UBA6: variants seen among roughly 807,000 people sequenced by gnomAD.
UBA6 encodes the protein ubiquitin like modifier activating enzyme 6.
A neutral mutation model predicts 148.3 loss-of-function variants in UBA6; 87 were observed. That is an observed-to-expected ratio of 0.59 (90% CI 0.49 to 0.70). UBA6 has a LOEUF of 0.70. Among genes scored for constraint, UBA6 ranks in the 30% least tolerant of loss-of-function variants. UBA6 has a pLI of 0.00. For missense variants in UBA6, 1,186 were observed against 1,241.2 expected, an observed-to-expected ratio of 0.96 and a Z score of 0.67; for synonymous variants, 376 against 401.0, an observed-to-expected ratio of 0.94 and a Z score of 0.75.
rs1730310433 is a variant in UBA6, at chr4:67,677,498, A to T, written c.465+113T>A. ...ATTCTAATATGTCTTCTACCTTGAA[A>T]TTTTTTTGTTCTGTTTCTCAATACA... On this transcript the variant is annotated intron_variant, in intron 6 of 32. Transcript: ENST00000322244. 7 of 497,746 alleles carry T rather than the reference A, an allele frequency of 1.4e-5. No individual in the cohort carries two copies. In the Admixed American group the frequency reaches 2.7e-4, roughly 19 times the overall value. The allele number at this position is 497,746 out of a possible 1,614,324, so 30.8% of individuals were successfully genotyped here. A position where few individuals can be genotyped will look rare whatever the true frequency, so the allele number is the denominator to read the frequency against.
intron 18 of UBA6, among the ~76,000 whole-genome samples, 180 bp from the exon 19 acceptor site, chr4:67,639,304 A>G (rs1464953498): frequency 6.6e-6 from 1 of 152,220 alleles, no homozygotes; most frequent in Non-Finnish European, 1.5e-5. Context: ...CTGTAATCAC[A>G]CTACATTAAT....
intron 13 of UBA6, among the ~76,000 whole-genome samples, chr4:67,652,220 A>T (rs1199880835): frequency 6.6e-6 from 1 of 152,206 alleles, no homozygotes; most frequent in Non-Finnish European, 1.5e-5. Context: ...ATCCAAATAT[A>T]TAAAGACATA....
rs187755638 is a variant in UBA6, at chr4:67,638,815, T to C, written c.1736+128A>G. The C allele has an allele frequency of 6.8e-4, 415 of 610,010 alleles. 1 individual carries two copies. In the East Asian group the frequency reaches 0.011, roughly 16 times the overall value. The allele number at this position is 610,010 out of a possible 1,614,324, so 37.8% of individuals were successfully genotyped here. On this transcript the variant is annotated intron_variant, in intron 19 of 32. Transcript: ENST00000322244. ...ATGAGAAATCATCAAAGGGTTTGTG[T>C]TTGAGGAGTACTACAATAGGAACAT...
At position 67,665,265 on chromosome 4, in the gene UBA6, C is replaced by T; in HGVS notation, c.821G>A (p.Gly274Asp). The T allele has an allele frequency of 6.2e-7, 1 of 1,601,236 alleles. No individual in the cohort carries two copies. Among genetic ancestry groups the T allele is most frequent in the Non-Finnish European group, 8.5e-7 (1 of 1,176,294 alleles). The change falls in exon 10 of 33, where the codon GGT (glycine) becomes GAT (aspartate). Residue 274 changes from glycine to aspartate, a missense_variant. Physicochemically the swap from Gly to Asp is moderately conservative, Grantham distance 94. Transcript: ENST00000322244. ...TVISPFSFSIGDTTELEPYLH... is the reference protein window; with the variant it reads ...TVISPFSFSIDDTTELEPYLH... ...ATATGGTTCCAGTTCTGTGGTGTCA[C>T]CAATACTAAAAGAAAATGGCGATAT...
chr4:67,665,427 G>GT (rs1025021060), intron 9 of UBA6, 135 bp from the exon 10 acceptor site: 22 of 402,926 alleles, frequency 5.5e-5, no homozygotes, highest in East Asian at 1.0e-4. Flanking sequence ...TTTTTTGTTT[G>GT]TTTGTTTTTT....
chr4:67,645,905 G>C, intron 16 of UBA6, 33 bp downstream of exon 16: 3 of 1,358,558 alleles, frequency 2.2e-6, no homozygotes, highest in Non-Finnish European at 3.1e-6. Context: ...ATAGCAGTTT[G>C]AACATACTAT....
chr4:67,613,752 C>T lies in UBA6; in HGVS notation c.*5245G>A. On this transcript the variant is annotated 3_prime_UTR_variant, in exon 33 of 33. Coordinates refer to ENST00000322244, the MANE Select transcript of UBA6 (RefSeq NM_018227.6). ...TGTCTAAGGAGTCTGGGGAGTCATG[C>T]TCTACAAACCATAAATTCTCATCAG... The T allele has an allele frequency of 6.6e-6, 1 of 152,166 alleles. No homozygotes were observed. Among genetic ancestry groups the T allele is most frequent in the East Asian group, 1.9e-4 (1 of 5,188 alleles). 9.4% of individuals were successfully genotyped at this position (152,166 alleles called of 1,614,324 possible). A position where few individuals can be genotyped will look rare whatever the true frequency, so the allele number is the denominator to read the frequency against.
chr4:67,672,712 C>T (rs1025349376), intron 7 of UBA6, among the ~76,000 whole-genome samples: 5 of 152,086 alleles, frequency 3.3e-5, no homozygotes, highest in African/African-American at 9.7e-5. Flanking sequence ...TCCTCAAAAC[C>T]GCCAACCTAA....
At chr4:67,631,352 A>G (rs1350139559) in intron 25 of UBA6, among the ~76,000 whole-genome samples, 1 of 152,200 alleles carries the variant, frequency 6.6e-6, no homozygotes, top group Admixed American at 6.5e-5. Flanking sequence ...TTCAGTAGTA[A>G]TTATTTGTTC....
At chr4:67,663,671 C>T in intron 11 of UBA6, 1 of 496,926 alleles carries the variant, frequency 2.0e-6, no homozygotes, top group Non-Finnish European at 3.6e-6. Flanking sequence ...AAACTTTTTC[C>T]TATTACTTTA....
chr4:67,663,570 C>T (rs543298123), intron 11 of UBA6: 15 of 384,686 alleles, frequency 3.9e-5, no homozygotes, highest in East Asian at 1.7e-4. Context: ...TAAAATGGTA[C>T]GATTCAGAAA....
At chr4:67,676,944 T>C (rs1730295053) in intron 6 of UBA6, among the ~76,000 whole-genome samples, 2 of 151,942 alleles carry the variant, frequency 1.3e-5, no homozygotes, top group Admixed American at 1.3e-4. Flanking sequence ...TTTTACAATA[T>C]CCAAGGTCCT....
chr4:67,697,048 G>A (rs1471732), intron 1 of UBA6, among the ~76,000 whole-genome samples: 30,773 of 151,788 alleles, frequency 0.2, 3,376 homozygotes, highest in Middle Eastern at 0.29. Flanking sequence ...CTCTGTTACC[G>A]AGACTGGAGT....
Position 67,644,836 on chromosome 4 carries a change from T to C in UBA6, c.1396-58A>G, listed in dbSNP as rs187671857. 55 of 826,930 alleles carry C rather than the reference T, an allele frequency of 6.7e-5. No individual in the cohort carries two copies. The African/African-American group carries it at 8.4e-4, about 13-fold the overall frequency. 51.2% of individuals were successfully genotyped at this position (826,930 alleles called of 1,614,324 possible). A position where few individuals can be genotyped will look rare whatever the true frequency, so the allele number is the denominator to read the frequency against. Reference sequence around the variant, plus strand: ...AAAATAACCTATCTGTGAATCATTTTACTTTGAAATATTTAACAGGTTTAT... The same window carrying C: ...AAAATAACCTATCTGTGAATCATTTCACTTTGAAATATTTAACAGGTTTAT... On this transcript the variant is annotated intron_variant, in intron 16 of 32. Transcript: ENST00000322244.
chr4:67,678,477 G>A lies in UBA6; in HGVS notation c.315C>T (p.Phe105=). The change falls in exon 5 of 33, where the codon TTC becomes TTT. Residue 105 remains phenylalanine (F), a synonymous_variant. Transcript: ENST00000322244. ...TAACAACATCATCTTCACTGAGAAAGAAGTTGGTTCCTAGATCCCATGCTT... is the reference window on the plus strand; with the variant it reads ...TAACAACATCATCTTCACTGAGAAAAAAGTTGGTTCCTAGATCCCATGCTT... The part of the protein sequence containing the change: ...KCQAWDLGTN[F]FLSEDDVVNK... 2 of 1,601,422 alleles carry A rather than the reference G, an allele frequency of 1.2e-6. No individual in the cohort carries two copies. Among genetic ancestry groups the A allele is most frequent in the Non-Finnish European group, 1.7e-6 (2 of 1,172,516 alleles).
intron 2 of UBA6, among the ~76,000 whole-genome samples, chr4:67,694,283 C>CCA (rs771497060): frequency 7.9e-6 from 1 of 126,620 alleles, no homozygotes; most frequent in African/African-American, 2.9e-5. Context: ...GATTCAGTCA[C>CCA]TATAAAAAAA....
At chr4:67,620,604 G>C (rs1316698445) in intron 32 of UBA6, among the ~76,000 whole-genome samples, 1 of 152,142 alleles carries the variant, frequency 6.6e-6, no homozygotes, top group Non-Finnish European at 1.5e-5. Context: ...TATTGTGAGG[G>C]CAAAGTAGGG....
intron 30 of UBA6, among the ~76,000 whole-genome samples, chr4:67,623,738 G>GT (rs1245441319): frequency 3.3e-5 from 5 of 151,694 alleles, no homozygotes; most frequent in South Asian, 2.1e-4. Flanking sequence ...GTTAAGGTAG[G>GT]TTTTTTTTCA....
At chr4:67,683,572 A>AT (rs59333307) in intron 2 of UBA6, among the ~76,000 whole-genome samples, 25,745 of 144,956 alleles carry the variant, frequency 0.18, 2,626 homozygotes, top group African/African-American at 0.29. Flanking sequence ...TTTTTTTGCA[A>AT]TTTTTTTTTT....
Sources: allele counts gnomAD v4.1 joint callset (sites outside exome capture counted in the v4.1 genomes callset), GRCh38; gene constraint gnomAD v4.1.1; transcripts MANE v1.5; gene names NCBI Gene and HGNC (gene_info 2026-07-23, HGNC 2026-07-21).